The following ACOXL variants were observed in gnomAD, a reference collection of about 807,000 sequenced individuals.
ACOXL encodes the protein acyl-coenzyme A oxidase-like protein.
Under a neutral mutation model 71.9 loss-of-function variants are expected in ACOXL, and 70 were observed. The ratio of observed to expected loss-of-function variants is 0.97; its 90% CI spans 0.80 to 1.19. ACOXL has a LOEUF of 1.19. Ranked by LOEUF, ACOXL falls within the 50% of genes most tolerant of loss-of-function variation. ACOXL has a pLI of 0.00. For synonymous variants in ACOXL, 253 were observed against 281.6 expected, an observed-to-expected ratio of 0.90 and a Z score of 1.02; for missense variants, 703 against 736.3, an observed-to-expected ratio of 0.95 and a Z score of 0.52.
At chr2:110,968,091 T>C (rs1200839022) in intron 12 of ACOXL, 1 of 1,310,628 alleles carries the variant, frequency 7.6e-7, no homozygotes, top group African/African-American at 1.4e-5. Context: ...TGCCAAAATA[T>C]GGTGTGAAGG....
chr2:110,770,729 C>T (rs757753458), intron 2 of ACOXL, among the ~76,000 whole-genome samples: 25 of 152,344 alleles, frequency 1.6e-4, no homozygotes, highest in Middle Eastern at 6.8e-3. Context: ...CTGTCAGAGT[C>T]GCCTCCAAGT....
At chr2:110,942,892 A>G (rs1480947130) in intron 12 of ACOXL, among the ~76,000 whole-genome samples, 1 of 147,516 alleles carries the variant, frequency 6.8e-6, no homozygotes, top group African/African-American at 2.5e-5. Context: ...AAAAAAAGGA[A>G]GGCAGGAAGG....
At chr2:110,993,239 AC>A (rs537683155) in intron 13 of ACOXL, among the ~76,000 whole-genome samples, 11 of 152,160 alleles carry the variant, frequency 7.2e-5, no homozygotes, top group Non-Finnish European at 1.6e-4. Flanking sequence ...ATGTAACCAA[AC>A]TCATATTAAG....
chr2:110,923,899 GTCATCTAGCC>G (rs2060173305), intron 11 of ACOXL, among the ~76,000 whole-genome samples: 1 of 150,834 alleles, frequency 6.6e-6, no homozygotes, highest in Non-Finnish European at 1.5e-5. Context: ...ACACACCATT[GTCATCTAGCC>G]TGGGTGATAA....
chr2:111,083,694 C>G (rs2068049730), intron 16 of ACOXL, among the ~76,000 whole-genome samples: 2 of 151,998 alleles, frequency 1.3e-5, no homozygotes, highest in Non-Finnish European at 2.9e-5. Flanking sequence ...AAGGTCCAGG[C>G]ATACAAACAC....
intron 10 of ACOXL, among the ~76,000 whole-genome samples, chr2:110,890,078 T>C (rs1697769240): frequency 6.6e-6 from 1 of 152,232 alleles, no homozygotes; most frequent in Admixed American, 6.5e-5. Context: ...TCTTTTTATG[T>C]GCTTATTAGC....
chr2:110,878,297 A>T (rs550640510), intron 10 of ACOXL, among the ~76,000 whole-genome samples: 100 of 152,344 alleles, frequency 6.6e-4, no homozygotes, highest in African/African-American at 2.3e-3. Flanking sequence ...CTCAAAAGAG[A>T]GATTAAATAG....
chr2:110,991,520 G>T (rs531311786), intron 13 of ACOXL, among the ~76,000 whole-genome samples: 1 of 151,370 alleles, frequency 6.6e-6, no homozygotes, highest in Non-Finnish European at 1.5e-5. Context: ...TGAGATTATT[G>T]GTCCCTCAAA....
At chr2:110,885,989 A>G (rs1697236802) in intron 10 of ACOXL, among the ~76,000 whole-genome samples, 1 of 146,032 alleles carries the variant, frequency 6.8e-6, no homozygotes, top group Non-Finnish European at 1.5e-5. Context: ...TCTCAAATCA[A>G]TCCCCCTTTA....
chr2:110,860,575 C>T (rs926188250), intron 10 of ACOXL, among the ~76,000 whole-genome samples: 1 of 152,166 alleles, frequency 6.6e-6, no homozygotes, highest in Non-Finnish European at 1.5e-5. Context: ...TGCTTGCTGT[C>T]CCCAACTTGC....
chr2:110,958,531 G>A (rs2061586057), intron 12 of ACOXL, among the ~76,000 whole-genome samples: 1 of 152,226 alleles, frequency 6.6e-6, no homozygotes, highest in African/African-American at 2.4e-5. Flanking sequence ...AATGGACACA[G>A]AAGCTTGTGA....
In ACOXL at chr2:110,999,514, C is replaced by G. The variant is rs143141044; in HGVS notation, c.1281+3510C>G. ...CCTGTATGTGCCAAATACATTTTGT[C>G]CTCCAAGATGGACCCCCAAGAATCC... is the stretch of plus-strand genomic sequence containing the variant. On this transcript the variant is annotated intron_variant, in intron 14 of 17. Coordinates refer to ENST00000439055, the MANE Select transcript of ACOXL (RefSeq NM_001142807.4). 9.2e-5 allele frequency among the ~76,000 whole-genome samples: 14 copies of G among 152,230 alleles called. No individual in the cohort carries two copies. In the East Asian group the frequency reaches 2.7e-3, roughly 29 times the overall value.
chr2:110,862,695 T>C (rs1260386561), intron 10 of ACOXL, among the ~76,000 whole-genome samples: 3 of 152,202 alleles, frequency 2.0e-5, no homozygotes, highest in Non-Finnish European at 4.4e-5. Flanking sequence ...ATTCTGTGTG[T>C]GCCCCGGCGA....
At chr2:110,973,145 C>G (rs1443130016) in intron 12 of ACOXL, among the ~76,000 whole-genome samples, 1 of 152,188 alleles carries the variant, frequency 6.6e-6, no homozygotes, top group African/African-American at 2.4e-5. Flanking sequence ...GTGCTCTTCC[C>G]TCTTCAAGGT....
At chr2:110,823,717 T>C (rs752480137) in intron 9 of ACOXL, among the ~76,000 whole-genome samples, 4 of 152,230 alleles carry the variant, frequency 2.6e-5, no homozygotes, top group Non-Finnish European at 4.4e-5. Context: ...TGATGACAAA[T>C]GATGTTGAGC....
chr2:110,735,516 C>G (rs1040465568), intron 1 of ACOXL, among the ~76,000 whole-genome samples: 1 of 152,210 alleles, frequency 6.6e-6, no homozygotes, highest in Admixed American at 6.5e-5. Flanking sequence ...AGAGGTTGTG[C>G]AACTTCCTAC....
chr2:110,834,691 C>T (rs889227088), intron 9 of ACOXL, among the ~76,000 whole-genome samples: 8 of 152,238 alleles, frequency 5.3e-5, no homozygotes, highest in Non-Finnish European at 8.8e-5. Context: ...GAGCTTCCTG[C>T]CTGCTCTCTC....
chr2:111,103,289 T>C (rs1289847435), intron 17 of ACOXL, among the ~76,000 whole-genome samples: 1 of 151,854 alleles, frequency 6.6e-6, no homozygotes, highest in Non-Finnish European at 1.5e-5. Context: ...AGCTAGACTG[T>C]GTCTCAAAAA....
chr2:111,045,549 C>T (rs1226652009), intron 15 of ACOXL, among the ~76,000 whole-genome samples: 1 of 152,202 alleles, frequency 6.6e-6, no homozygotes, highest in African/African-American at 2.4e-5. Flanking sequence ...TTCCTGAGGC[C>T]TCCCCAACCC....
Sources: allele counts gnomAD v4.1 joint callset (sites outside exome capture counted in the v4.1 genomes callset), GRCh38; gene constraint gnomAD v4.1.1; transcripts MANE v1.5; gene names NCBI Gene and HGNC (gene_info 2026-07-23, HGNC 2026-07-21).